The following DSTYK variants were observed in gnomAD, a reference collection of about 807,000 sequenced individuals.
DSTYK encodes the protein RIP-homologous kinase.
In DSTYK, 34 loss-of-function variants were observed where a neutral mutation model predicts 98.7. The ratio of observed to expected loss-of-function variants is 0.34; its 90% confidence interval spans 0.26 to 0.46. The LOEUF (loss-of-function observed/expected upper bound fraction) is 0.46. Ranked by LOEUF, DSTYK falls within the 20% of genes least tolerant of loss-of-function variation. The pLI is 1.00. For missense variants in DSTYK, 962 were observed against 1,181.7 expected (o/e 0.81, Z 2.73); for synonymous variants, 462 against 457.3 (o/e 1.01, Z -0.13).
intron 1 of DSTYK, among the ~76,000 whole-genome samples, chr1:205,208,676 C>T (rs1166964694): frequency 1.3e-5 from 2 of 152,132 alleles, no homozygotes; most frequent in East Asian, 1.9e-4. Flanking sequence ...GAGTTTGAGA[C>T]CAGCCTGGGC....
chr1:205,175,700 A>G (rs1288832509), intron 2 of DSTYK, among the ~76,000 whole-genome samples: 4 of 152,282 alleles, frequency 2.6e-5, no homozygotes, highest in Non-Finnish European at 4.4e-5. Flanking sequence ...ATAAAAATTA[A>G]TATAAAGAGG....
intron 1 of DSTYK, among the ~76,000 whole-genome samples, chr1:205,209,328 T>A (rs1574808951): frequency 6.6e-6 from 1 of 152,298 alleles, no homozygotes; most frequent in Admixed American, 6.5e-5. Context: ...AAAGCACTGT[T>A]ATGGGTGCGG....
At chr1:205,163,665 T>G (rs1444829418) in intron 4 of DSTYK, 58 bp downstream of exon 4, 1 of 1,371,384 alleles carries the variant, frequency 7.3e-7, no homozygotes, top group Admixed American at 1.9e-5. Context: ...TGTGGACTTG[T>G]GCAGATTTTT....
intron 3 of DSTYK, among the ~76,000 whole-genome samples, chr1:205,165,343 G>T (rs1227482337): frequency 6.6e-6 from 1 of 152,080 alleles, no homozygotes; most frequent in Admixed American, 6.6e-5. Flanking sequence ...CGCTCACCTT[G>T]GCCTCCCAAA....
rs879002141 is a variant in DSTYK at position 205,143,150 on chromosome 1, CTT to C, written c.*4406_*4407del. The C allele has an allele frequency of 1.3e-4, 19 of 143,002 alleles. No homozygotes were observed. The highest frequency in any genetic ancestry group is 2.1e-4 in the Admixed American group (3 of 14,262). 8.9% of individuals were successfully genotyped at this position (143,002 alleles called of 1,614,324 possible). On this transcript the variant is annotated 3_prime_UTR_variant, in exon 13 of 13. Transcript: ENST00000367162. Reference sequence around the variant, plus strand: ...AAGGATTAACCTTCTTTTTCTTTTTCTTTTTTTTTTTTTTGAGATGGAGTCTT... The same window carrying C: ...AAGGATTAACCTTCTTTTTCTTTTTCTTTTTTTTTTTTGAGATGGAGTCTT...
Position 205,143,815 on chromosome 1 carries a change from A to G in DSTYK, c.*3743T>C, listed in dbSNP as rs1403258823. On this transcript the variant is annotated 3_prime_UTR_variant, in exon 13 of 13. Coordinates refer to ENST00000367162, the MANE Select transcript of DSTYK (RefSeq NM_015375.3). Reference sequence around the variant, plus strand: ...CTGACAGGTACTAGTCGAGAGTTCTATGAGTCCCCTATTTCTATCTGTGGT... The same window carrying G: ...CTGACAGGTACTAGTCGAGAGTTCTGTGAGTCCCCTATTTCTATCTGTGGT... The G allele has an allele frequency of 2.0e-5, 3 of 152,580 alleles. No individual in the cohort carries two copies. The highest frequency in any genetic ancestry group is 2.9e-5 in the Non-Finnish European group (2 of 68,054). The allele number at this position is 152,580 out of a possible 1,614,324, so 9.5% of individuals were successfully genotyped here.
At chr1:205,164,992 C>T (rs1296821790) in intron 3 of DSTYK, among the ~76,000 whole-genome samples, 2 of 152,174 alleles carry the variant, frequency 1.3e-5, no homozygotes, top group Admixed American at 1.3e-4. Flanking sequence ...CTTTTGAACC[C>T]AGTGCTCATT....
rs1658396389 is a variant in DSTYK, at chr1:205,181,553, C to G, written c.654+5865G>C. Among the ~76,000 whole-genome samples, 3 of 151,836 alleles carry G rather than the reference C, an allele frequency of 2.0e-5. No homozygotes were observed. In the South Asian group the frequency reaches 6.2e-4, roughly 32 times the overall value. The stretch of plus-strand genomic sequence containing the variant: ...TATTTTTAATAGTGACAGGGTTTTA[C>G]CATGTTGGCCAGGCTGGTCTCAAAC... On this transcript the variant is annotated intron_variant, in intron 2 of 12. Coordinates refer to ENST00000367162, the MANE Select transcript of DSTYK (RefSeq NM_015375.3).
In DSTYK at chr1:205,147,316, C is replaced by T. The variant is rs148000262; in HGVS notation, c.*242G>A. The T allele has an allele frequency of 2.6e-5, 10 of 388,622 alleles. No individual in the cohort carries two copies. The highest frequency in any genetic ancestry group is 4.7e-5 in the Non-Finnish European group (10 of 213,164). 24.1% of individuals were successfully genotyped at this position (388,622 alleles called of 1,614,324 possible). On this transcript the variant is annotated 3_prime_UTR_variant, in exon 13 of 13. Coordinates refer to ENST00000367162, the MANE Select transcript of DSTYK (RefSeq NM_015375.3). ...AACACCACATTCCTCAGCTTTTACACATCTGAGACACTTTTTTGCTAAAGG... is the reference window on the plus strand; with the variant it reads ...AACACCACATTCCTCAGCTTTTACATATCTGAGACACTTTTTTGCTAAAGG...
At chr1:205,184,568 T>C (rs1194630900) in intron 2 of DSTYK, among the ~76,000 whole-genome samples, 1 of 152,046 alleles carries the variant, frequency 6.6e-6, no homozygotes, top group Non-Finnish European at 1.5e-5. Context: ...TGAGACTCCA[T>C]CTCAAAAACA....
intron 1 of DSTYK, among the ~76,000 whole-genome samples, chr1:205,190,862 A>G (rs1658692887): frequency 6.6e-6 from 1 of 152,150 alleles, no homozygotes; most frequent in South Asian, 2.1e-4. Context: ...AAGACCAACA[A>G]AACTAAATAA....
intron 3 of DSTYK, among the ~76,000 whole-genome samples, chr1:205,167,643 G>C (rs1483420110): frequency 6.6e-6 from 1 of 152,202 alleles, no homozygotes; most frequent in Non-Finnish European, 1.5e-5. Context: ...GGAAAAGTTG[G>C]TAAGGGCTAG....
chr1:205,179,620 C>CAGA, intron 2 of DSTYK, among the ~76,000 whole-genome samples: 1 of 65,896 alleles, frequency 1.5e-5, no homozygotes. Context: ...GAGTCCGTCT[C>CAGA]AAAAAAAAAA....
chr1:205,161,337 C>G lies in DSTYK; in HGVS notation c.1869G>C (p.Leu623=). 3 of 1,614,208 alleles carry G rather than the reference C, an allele frequency of 1.9e-6. No individual in the cohort carries two copies. The highest frequency in any genetic ancestry group is 2.2e-5 in the East Asian group (1 of 44,886). Residue 623 remains leucine, a synonymous_variant, in exon 7 of 13, where the codon CTG becomes CTC. Transcript: ENST00000367162. ...GGGGAGCATGATCTTTCCGAACCCT[C>G]AGCCATAGATCTTCCGTTTTCTCTA... is the stretch of plus-strand genomic sequence containing the variant. ...GRLEKTEDLW[L]RVRKDHAPRL...
At chr1:205,174,887 G>A (rs938918790) in intron 2 of DSTYK, among the ~76,000 whole-genome samples, 42 of 148,720 alleles carry the variant, frequency 2.8e-4, no homozygotes, top group Non-Finnish European at 3.9e-4. Flanking sequence ...ACAGGCATGC[G>A]CCACCACGCC....
intron 2 of DSTYK, among the ~76,000 whole-genome samples, chr1:205,183,652 G>C (rs1658483582): frequency 6.6e-6 from 1 of 152,138 alleles, no homozygotes; most frequent in Non-Finnish European, 1.5e-5. Context: ...CAGATGGAAG[G>C]GCTGTTTAGA....
chr1:205,182,637 C>A (rs1658445875), intron 2 of DSTYK, among the ~76,000 whole-genome samples: 1 of 151,464 alleles, frequency 6.6e-6, no homozygotes, highest in Non-Finnish European at 1.5e-5. Context: ...GAAACCCCAT[C>A]TCTACCAAAA....
At chr1:205,196,190 A>C in intron 1 of DSTYK, among the ~76,000 whole-genome samples, 1 of 152,230 alleles carries the variant, frequency 6.6e-6, no homozygotes, top group East Asian at 1.9e-4. Context: ...CTGATTAAAT[A>C]AACAAGAGAA....
chr1:205,175,102 C>CTTT (rs1338416279), intron 2 of DSTYK, among the ~76,000 whole-genome samples: 3 of 125,682 alleles, frequency 2.4e-5, no homozygotes, highest in African/African-American at 5.8e-5. Context: ...AGAAGCTGCC[C>CTTT]TTTTTTTTTT....
Sources: allele counts gnomAD v4.1 joint callset (sites outside exome capture counted in the v4.1 genomes callset), GRCh38; gene constraint gnomAD v4.1.1; transcripts MANE v1.5; gene names NCBI Gene and HGNC (gene_info 2026-07-23, HGNC 2026-07-21).